Variants in CDH5 observed in about 807,000 individuals in gnomAD.
CDH5 encodes cadherin-5.
CDH5 carries 28 observed loss-of-function variants against 62.0 expected under a neutral mutation model. That is an observed-to-expected ratio of 0.45 (90% CI 0.33 to 0.62). CDH5 has a LOEUF of 0.62. Ranked by LOEUF, CDH5 falls within the 20% of genes least tolerant of loss-of-function variation. CDH5 has a pLI of 0.02. For missense variants in CDH5, 940 were observed against 1,065.1 expected (o/e 0.88, Z 1.63); for synonymous variants, 464 against 445.8 (o/e 1.04, Z -0.52).
intron 5 of CDH5, 99 bp downstream of exon 5, chr16:66,389,621 C>A: frequency 9.4e-7 from 1 of 1,065,080 alleles, no homozygotes; most frequent in Non-Finnish European, 1.3e-6. Context: ...CTTTACCTCT[C>A]CCTCTATCCC....
intron 7 of CDH5, 159 bp from the exon 8 acceptor site, chr16:66,395,900 G>GATCTCGGT: frequency 1.5e-6 from 1 of 655,310 alleles, no homozygotes; most frequent in Non-Finnish European, 2.6e-6. Context: ...CCTCTGTGTA[G>GATCTCGGT]GTCCACTCTT....
At chr16:66,376,550 C>T (rs1292469366) in intron 1 of CDH5, 4 of 152,106 alleles carry the variant, frequency 2.6e-5, no homozygotes, top group Admixed American at 6.5e-5. Flanking sequence ...GAGGTGGGCT[C>T]CTTTAAGGAA....
intron 2 of CDH5, 89 bp downstream of exon 2, chr16:66,379,636 G>A: frequency 1.8e-6 from 2 of 1,123,858 alleles, no homozygotes; most frequent in Non-Finnish European, 2.7e-6. Context: ...TGGCAAAGGT[G>A]GTAATAGATA....
rs764174104 is a variant in CDH5 at position 66,402,975 on chromosome 16, G to A, written c.2161G>A (p.Asp721Asn). 1.2e-6 allele frequency: 2 copies of A among 1,613,142 alleles called. No individual in the cohort carries two copies. The highest frequency in any genetic ancestry group is 2.2e-5 in the South Asian group (2 of 91,008). ...VKKDEADHDGDGPPYDTLHIY... is the reference protein window; with the variant it reads ...VKKDEADHDGNGPPYDTLHIY... ...GAAGGACGAGGCGGACCACGACGGC[G>A]ACGGCCCCCCCTACGACACGCTGCA... is the stretch of plus-strand genomic sequence containing the variant. The change falls in exon 12 of 12, where the codon GAC (aspartate) becomes AAC (asparagine). Residue 721 changes from aspartate (D) to asparagine (N), a missense_variant. Transcript: ENST00000341529.
intron 10 of CDH5, 67 bp downstream of exon 10, chr16:66,398,628 A>C (rs1567468484): frequency 1.2e-6 from 1 of 812,360 alleles, no homozygotes; most frequent in African/African-American, 1.7e-5. Context: ...GCTACTCAGG[A>C]GGCTGAGGCA....
chr16:66,370,411 T>C (rs906966768), intron 1 of CDH5, among the ~76,000 whole-genome samples: 103 of 152,298 alleles, frequency 6.8e-4, no homozygotes, highest in African/African-American at 2.2e-3. Flanking sequence ...GAGGACCTAT[T>C]TGGGAACAAG....
intron 2 of CDH5, among the ~76,000 whole-genome samples, chr16:66,383,101 C>T (rs941854156): frequency 6.6e-6 from 1 of 152,032 alleles, no homozygotes; most frequent in Non-Finnish European, 1.5e-5. Context: ...CTGTCGAGGT[C>T]ATCAGAAACC....
intron 7 of CDH5, 68 bp downstream of exon 7, chr16:66,392,451 CT>C: frequency 1.3e-6 from 2 of 1,588,498 alleles, no homozygotes; most frequent in Non-Finnish European, 1.7e-6. Flanking sequence ...GCCTGCTGGT[CT>C]GAGGCCAGGA....
rs1256533293 is a variant in CDH5 at position 66,396,052 on chromosome 16, T to C, written c.1218-7T>C. On this transcript the variant is annotated splice_polypyrimidine_tract_variant and splice_region_variant and intron_variant, in intron 7 of 11. Coordinates refer to ENST00000341529, the MANE Select transcript of CDH5 (RefSeq NM_001795.5). ...TGGAAAGCCATGAAACTCTCTCCCC[T>C]GGGCAGATACTCCATCCGCAGGACC... 5.0e-6 allele frequency: 8 copies of C among 1,613,082 alleles called. No homozygotes were observed. The South Asian group carries it at 7.7e-5, about 16-fold the overall frequency.
At chr16:66,371,637 C>A (rs543372588) in intron 1 of CDH5, among the ~76,000 whole-genome samples, 1 of 152,272 alleles carries the variant, frequency 6.6e-6, no homozygotes, top group African/African-American at 2.4e-5. Flanking sequence ...GGACCTGGAG[C>A]CTTCCTCTGC....
intron 1 of CDH5, chr16:66,377,205 C>T (rs147574008): frequency 1.6e-3 from 248 of 152,500 alleles, no homozygotes; most frequent in Non-Finnish European, 2.8e-3. Flanking sequence ...GCCAGGACTC[C>T]CAACCTGCCT....
chr16:66,399,366 G>A (rs1961242642), intron 10 of CDH5, among the ~76,000 whole-genome samples: 2 of 152,196 alleles, frequency 1.3e-5, no homozygotes, highest in Non-Finnish European at 2.9e-5. Context: ...TTTAAATAGA[G>A]TGATCCTTCA....
At chr16:66,383,496 T>C (rs1209966949) in intron 2 of CDH5, among the ~76,000 whole-genome samples, 1 of 152,080 alleles carries the variant, frequency 6.6e-6, no homozygotes, top group African/African-American at 2.4e-5. Context: ...AGAACTCCAA[T>C]CACACAGATC....
intron 1 of CDH5, 125 bp from the exon 2 acceptor site, chr16:66,379,194 C>A: frequency 1.4e-6 from 1 of 716,630 alleles, no homozygotes. Flanking sequence ...TGTTAATTAC[C>A]CGCAGATTGT....
At position 66,402,721 on chromosome 16, in the gene CDH5, C is replaced by G. The variant is rs368981850; in HGVS notation, c.1907C>G (p.Pro636Arg). The change falls in exon 12 of 12, where the codon CCG becomes CGG. Residue 636 changes from proline (P) to arginine (R), a missense_variant. Physicochemically the swap from Pro to Arg is moderately radical, Grantham distance 103. Transcript: ENST00000341529. ...KQARAHGKSV[P>R]EIHEQLVTYD... ...GCCCGCGCGCACGGCAAGAGCGTGC[C>G]GGAGATCCACGAGCAGCTGGTCACC... 3 of 1,609,680 alleles carry G rather than the reference C, an allele frequency of 1.9e-6. No homozygotes were observed. Among genetic ancestry groups the G allele is most frequent in the East Asian group, 4.5e-5 (2 of 44,736 alleles).
chr16:66,400,721 C>G (rs781379924), intron 10 of CDH5, 50 bp from the exon 11 acceptor site: 1 of 1,610,944 alleles, frequency 6.2e-7, no homozygotes, highest in South Asian at 1.1e-5. Context: ...GCCAGGTTTC[C>G]CCATCTGTGC....
At position 66,392,201 on chromosome 16, in the gene CDH5, C is replaced by T. The variant is rs1347197249; in HGVS notation, c.1035C>T (p.Asp345=). The T allele has an allele frequency of 1.9e-6, 3 of 1,614,162 alleles. No individual in the cohort carries two copies. In the Admixed American group the frequency reaches 5.0e-5, roughly 27 times the overall value. Residue 345 remains aspartate (D), a synonymous_variant, in exon 7 of 12, where the codon GAC becomes GAT. Transcript: ENST00000341529. ...FIVEATDPTI[D]LRYMSPPAGN... is the part of the protein sequence containing the mutation. Reference sequence around the variant, plus strand: ...TCGAGGCCACAGACCCCACCATCGACCTCCGATACATGAGCCCTCCCGCGG... The same window carrying T: ...TCGAGGCCACAGACCCCACCATCGATCTCCGATACATGAGCCCTCCCGCGG...
At chr16:66,372,734 C>A (rs1009206482) in intron 1 of CDH5, among the ~76,000 whole-genome samples, 1 of 152,162 alleles carries the variant, frequency 6.6e-6, no homozygotes, top group Admixed American at 6.5e-5. Context: ...CCCATGGGAG[C>A]ATGGTGGAGC....
Position 66,401,008 on chromosome 16 carries a change from C to T in CDH5, c.1829C>T (p.Thr610Ile), listed in dbSNP as rs1961272931. Residue 610 changes from threonine (T) to isoleucine (I), a missense_variant, in exon 11 of 12, where the codon ACC becomes ATC. By Grantham distance (89) the Thr-to-Ile change is moderately conservative (BLOSUM62 -1). Transcript: ENST00000341529. ...GTAGCCATCTTACTCTGCATCCTCA[C>T]CATCACAGGTCAGTGCTGGGCAGGG... is the stretch of plus-strand genomic sequence containing the variant. Reference protein sequence around the residue: ...AVVAILLCILTITVITLLIFL... With the variant: ...AVVAILLCILIITVITLLIFL... 6.2e-7 allele frequency: 1 copy of T among 1,614,016 alleles called. No individual in the cohort carries two copies. The highest frequency in any genetic ancestry group is 1.3e-5 in the African/African-American group (1 of 75,072).
Sources: gnomAD v4.1 joint callset for allele counts (sites outside exome capture counted in the v4.1 genomes callset) on GRCh38, gnomAD v4.1.1 for gene constraint, MANE v1.5 for transcripts, NCBI Gene and HGNC (gene_info 2026-07-23, HGNC 2026-07-21) for gene names.